The following EGFLAM variants were observed in gnomAD, a reference collection of about 807,000 sequenced individuals.
The protein encoded by EGFLAM is EGF like, fibronectin type III and laminin G domains.
EGFLAM carries 79 observed loss-of-function variants against 113.1 expected under a neutral mutation model. The ratio of observed to expected loss-of-function variants is 0.70; its 90% CI spans 0.58 to 0.84. The LOEUF (loss-of-function observed/expected upper bound fraction) is 0.84. EGFLAM is among the 40% of genes least tolerant of loss of function. EGFLAM has a pLI of 0.00. For synonymous variants in EGFLAM, 504 were observed against 487.6 expected (o/e 1.03, Z -0.44); for missense variants, 1,265 against 1,291.6 (o/e 0.98, Z 0.32).
Position 38,318,151 on chromosome 5 carries a change from T to G in EGFLAM, c.98-19369T>G, listed in dbSNP as rs2111883664. Among the ~76,000 whole-genome samples the G allele has an allele frequency of 2.0e-5, 3 of 152,100 alleles. 1 individual carries two copies. Among genetic ancestry groups the G allele is most frequent in the Admixed American group, 2.0e-4 (3 of 15,268 alleles). On this transcript the variant is annotated intron_variant, in intron 1 of 21. Transcript: ENST00000322350. ...ATGGAAGAGAGTCTCCTGCTGGGAT[T>G]GTGGTGATGAAAGAAAGAGGACCCT...
At chr5:38,411,797 CTT>C (rs1482848056) in intron 10 of EGFLAM, among the ~76,000 whole-genome samples, 1 of 151,158 alleles carries the variant, frequency 6.6e-6, no homozygotes, top group Non-Finnish European at 1.5e-5. Flanking sequence ...AAAATTTAAA[CTT>C]TTATTTTTTT....
intron 6 of EGFLAM, among the ~76,000 whole-genome samples, chr5:38,396,949 G>C (rs1476402758): frequency 1.3e-5 from 2 of 152,170 alleles, no homozygotes; most frequent in Non-Finnish European, 2.9e-5. Flanking sequence ...GAGAGAGAAA[G>C]ACACAGTGGC....
intron 5 of EGFLAM, among the ~76,000 whole-genome samples, chr5:38,364,519 A>G (rs1386892578): frequency 6.6e-6 from 1 of 152,036 alleles, no homozygotes; most frequent in Non-Finnish European, 1.5e-5. Context: ...GGGGTGAGAG[A>G]TGGGTCGGTG....
chr5:38,435,514 C>T (rs1308307866), intron 16 of EGFLAM, among the ~76,000 whole-genome samples: 2 of 152,152 alleles, frequency 1.3e-5, no homozygotes, highest in African/African-American at 4.8e-5. Flanking sequence ...ATCTACCAAA[C>T]TATATTAGGA....
intron 1 of EGFLAM, among the ~76,000 whole-genome samples, chr5:38,279,295 T>C (rs1039081478): frequency 2.0e-5 from 3 of 152,194 alleles, no homozygotes; most frequent in Non-Finnish European, 4.4e-5. Context: ...ATAGCCATTA[T>C]GGAAAGCAGT....
At chr5:38,411,626 G>A (rs1167299508) in intron 10 of EGFLAM, among the ~76,000 whole-genome samples, 1 of 149,728 alleles carries the variant, frequency 6.7e-6, no homozygotes, top group Non-Finnish European at 1.5e-5. Flanking sequence ...AGGATTACAA[G>A]CATCTGCCAT....
chr5:38,388,857 G>A (rs559578173), intron 6 of EGFLAM, among the ~76,000 whole-genome samples: 4 of 150,084 alleles, frequency 2.7e-5, no homozygotes, highest in African/African-American at 9.8e-5. Context: ...CGAGGCTGCC[G>A]TGAGCCCTGG....
intron 1 of EGFLAM, among the ~76,000 whole-genome samples, chr5:38,298,909 C>G (rs938963837): frequency 6.6e-6 from 1 of 152,136 alleles, no homozygotes; most frequent in African/African-American, 2.4e-5. Context: ...CCATGTTGCC[C>G]AGGCTGGTCT....
At chr5:38,402,107 A>T (rs1480349822) in intron 6 of EGFLAM, 1 of 152,242 alleles carries the variant, frequency 6.6e-6, no homozygotes, top group Non-Finnish European at 1.5e-5. Flanking sequence ...TAGGAGTGGG[A>T]AAAAGATGAC....
intron 16 of EGFLAM, among the ~76,000 whole-genome samples, chr5:38,436,484 G>A (rs1579929750): frequency 6.6e-6 from 1 of 152,266 alleles, no homozygotes. Flanking sequence ...ACAGTCACGT[G>A]TTTCCCTTTG....
chr5:38,402,231 A>C (rs1741138254), intron 6 of EGFLAM: 1 of 152,252 alleles, frequency 6.6e-6, no homozygotes, highest in Admixed American at 6.5e-5. Flanking sequence ...ATTTTTTAAA[A>C]AACAACAAAA....
At chr5:38,336,301 C>T (rs1049109600) in intron 1 of EGFLAM, among the ~76,000 whole-genome samples, 6 of 152,164 alleles carry the variant, frequency 3.9e-5, no homozygotes, top group East Asian at 1.9e-4. Flanking sequence ...TGGCTGGGTG[C>T]GGTGGCTCAC....
chr5:38,397,782 C>T lies in EGFLAM; in HGVS notation c.713-8344C>T, dbSNP rs902955292. On this transcript the variant is annotated intron_variant, in intron 6 of 21. Transcript: ENST00000322350. ...GTGACCCAAACTGTCATTTGACTCT[C>T]CCTACCCCCACCCCATGAGCAAAGG... is the stretch of plus-strand genomic sequence containing the variant. 2.6e-5 allele frequency among the ~76,000 whole-genome samples: 4 copies of T among 151,966 alleles called. No homozygotes were observed. In the East Asian group the frequency reaches 7.7e-4, roughly 29 times the overall value.
At chr5:38,372,433 A>C (rs1308631782) in intron 6 of EGFLAM, among the ~76,000 whole-genome samples, 1 of 152,154 alleles carries the variant, frequency 6.6e-6, no homozygotes, top group African/African-American at 2.4e-5. Flanking sequence ...TGCTGGGATT[A>C]CAGGCATGAG....
At chr5:38,370,241 C>T (rs1011528981) in intron 5 of EGFLAM, 55 bp from the exon 6 acceptor site, 3 of 1,572,530 alleles carry the variant, frequency 1.9e-6, no homozygotes, top group African/African-American at 2.7e-5. Context: ...AGCTAGCTTC[C>T]CTTCCCTCTG....
intron 1 of EGFLAM, among the ~76,000 whole-genome samples, chr5:38,263,119 A>G (rs1757543770): frequency 6.6e-6 from 1 of 152,190 alleles, no homozygotes; most frequent in Non-Finnish European, 1.5e-5. Flanking sequence ...TTTATTTGCC[A>G]TCTTTTCTTT....
intron 5 of EGFLAM, among the ~76,000 whole-genome samples, chr5:38,362,581 A>G (rs1051060393): frequency 6.6e-6 from 1 of 152,256 alleles, no homozygotes; most frequent in African/African-American, 2.4e-5. Context: ...TTTCATTACC[A>G]TCAGCAATAG....
At chr5:38,290,004 A>C (rs1257657891) in intron 1 of EGFLAM, among the ~76,000 whole-genome samples, 1 of 152,204 alleles carries the variant, frequency 6.6e-6, no homozygotes, top group Non-Finnish European at 1.5e-5. Context: ...AGCTCACAAC[A>C]GTTATTCAGG....
rs186901597 is a variant in EGFLAM, at chr5:38,268,450, C to G, written c.97+9599C>G. ...CAAATCAGAATATGGTCATGTTGCC[C>G]TAACCCAACTATACGGTTTCTGGGA... On this transcript the variant is annotated intron_variant, in intron 1 of 21. Coordinates refer to ENST00000322350, the MANE Select transcript of EGFLAM (RefSeq NM_152403.4). 1.0e-3 allele frequency among the ~76,000 whole-genome samples: 158 copies of G among 152,186 alleles called. 1 individual carries two copies. The highest frequency in any genetic ancestry group is 3.5e-3 in the African/African-American group (147 of 41,498).
Sources: allele counts gnomAD v4.1 joint callset (sites outside exome capture counted in the v4.1 genomes callset), GRCh38; gene constraint gnomAD v4.1.1; transcripts MANE v1.5; gene names NCBI Gene and HGNC (gene_info 2026-07-23, HGNC 2026-07-21).